Variants in HK1 observed in about 807,000 individuals in gnomAD.
HK1 encodes hexokinase-1.
In HK1, 28 loss-of-function variants were observed where a neutral mutation model predicts 91.6. The ratio of observed to expected loss-of-function variants is 0.31; its 90% CI spans 0.23 to 0.42. The LOEUF is 0.42. Among genes scored for constraint, HK1 ranks in the 10% least tolerant of loss-of-function variants. HK1 has a pLI of 1.00. For missense variants in HK1, 770 were observed against 1,219.8 expected, an observed-to-expected ratio of 0.63 and a Z score of 5.49; for synonymous variants, 430 against 468.1, an observed-to-expected ratio of 0.92 and a Z score of 1.05.
chr10:69,380,112 C>T lies in HK1; in HGVS notation c.1265+17C>T. ...GCACCCACAGTGAGTCTGCCCTTTGCTATCATTGGCACTCTGTACCCATTG... is the reference window on the plus strand; with the variant it reads ...GCACCCACAGTGAGTCTGCCCTTTGTTATCATTGGCACTCTGTACCCATTG... On this transcript the variant is annotated intron_variant, in intron 9 of 17. Coordinates refer to ENST00000359426, the MANE Select transcript of HK1 (RefSeq NM_000188.3). The surrounding 1 kb of genome is among the most constrained non-coding windows in gnomAD (Gnocchi z 4.0). The T allele has an allele frequency of 6.3e-7, 1 of 1,584,502 alleles. No homozygotes were observed. The highest frequency in any genetic ancestry group is 8.7e-7 in the Non-Finnish European group (1 of 1,152,862).
At chr10:69,290,094 C>T (rs904174542) in intron 3 of HK1, among the ~76,000 whole-genome samples, 5 of 152,120 alleles carry the variant, frequency 3.3e-5, no homozygotes, top group Non-Finnish European at 7.3e-5. Context: ...CACCCCGCCC[C>T]CCACCAACAG....
At chr10:69,366,063 T>C (rs1057199726) in intron 4 of HK1, among the ~76,000 whole-genome samples, 5 of 152,100 alleles carry the variant, frequency 3.3e-5, no homozygotes. Context: ...ACTCCTGACC[T>C]TAGGTGATCC....
intron 1 of HK1, among the ~76,000 whole-genome samples, chr10:69,342,585 G>A (rs920330174): frequency 2.0e-5 from 3 of 152,236 alleles, no homozygotes; most frequent in Non-Finnish European, 4.4e-5. Context: ...CAGAGGGTAG[G>A]TGCCTTGGCA....
intron 1 of HK1, chr10:69,338,411 A>G: frequency 6.5e-6 from 8 of 1,230,612 alleles, no homozygotes; most frequent in Non-Finnish European, 8.4e-6. Context: ...AGAGTCCCAC[A>G]TATTCGTCTC....
chr10:69,317,454 C>T, upstream of HK1, among the ~76,000 whole-genome samples: 1 of 152,156 alleles, frequency 6.6e-6, no homozygotes, highest in East Asian at 1.9e-4. Flanking sequence ...GCTGTCAGGC[C>T]CCTGAACCTA....
chr10:69,316,211 G>T (rs564073300), upstream of HK1, among the ~76,000 whole-genome samples: 6 of 152,288 alleles, frequency 3.9e-5, no homozygotes, highest in Non-Finnish European at 7.4e-5. Context: ...AGATAAGTGG[G>T]AAAGAGTGGA....
At chr10:69,318,787 G>C (rs547557166), upstream of HK1, 950 of 1,350,616 alleles carry the variant, frequency 7.0e-4, 8 homozygotes, top group African/African-American at 0.013. Context: ...CGCGGAGACC[G>C]GGAGCGCGCG....
chr10:69,273,179 G>A (rs1316393581), intron 1 of HK1, among the ~76,000 whole-genome samples: 2 of 150,610 alleles, frequency 1.3e-5, no homozygotes, highest in African/African-American at 2.4e-5. Context: ...ACAGGTGCCC[G>A]CCACCATGCC....
intron 13 of HK1, 61 bp from the exon 14 acceptor site, chr10:69,389,136 G>T (rs1839780433): frequency 1.5e-6 from 2 of 1,297,024 alleles, no homozygotes; most frequent in Non-Finnish European, 2.2e-6. Flanking sequence ...GACAGAACCG[G>T]CAGCATTCAA....
intron 2 of HK1, among the ~76,000 whole-genome samples, chr10:69,288,107 T>C (rs1158437545): frequency 6.6e-6 from 1 of 152,194 alleles, no homozygotes; most frequent in Non-Finnish European, 1.5e-5. Flanking sequence ...TGTGCTACGA[T>C]GGCACCACTG....
chr10:69,389,170 T>A, intron 13 of HK1, 27 bp from the exon 14 acceptor site: 1 of 1,580,062 alleles, frequency 6.3e-7, no homozygotes, highest in Non-Finnish European at 8.7e-7. Context: ...ATCCTATTCC[T>A]AAAGCTGTGT....
At chr10:69,308,452 AT>A (rs1564499621) in intron 5 of HK1, among the ~76,000 whole-genome samples, 2 of 152,154 alleles carry the variant, frequency 1.3e-5, no homozygotes, top group Non-Finnish European at 2.9e-5. Flanking sequence ...GGAGAGGGTC[AT>A]GATTGACTGA....
At chr10:69,395,807 C>G (rs927585992) in intron 16 of HK1, among the ~76,000 whole-genome samples, 1 of 152,192 alleles carries the variant, frequency 6.6e-6, no homozygotes, top group Non-Finnish European at 1.5e-5. Flanking sequence ...TGCCCCTCAG[C>G]AAGTTGTTCC....
intron 4 of HK1, among the ~76,000 whole-genome samples, chr10:69,367,062 C>CTA (rs1165844836): frequency 6.6e-6 from 1 of 152,176 alleles, no homozygotes; most frequent in East Asian, 1.9e-4. Context: ...GTGCAGCCTT[C>CTA]TATGGACAGA....
At chr10:69,354,491 T>C (rs1490684645) in intron 2 of HK1, among the ~76,000 whole-genome samples, 1 of 152,100 alleles carries the variant, frequency 6.6e-6, no homozygotes, top group Non-Finnish European at 1.5e-5. Context: ...TAAGGTCTCA[T>C]GAGAACCCAC....
chr10:69,295,784 C>G, intron 4 of HK1: 1 of 790,146 alleles, frequency 1.3e-6, no homozygotes, highest in Non-Finnish European at 2.2e-6. Flanking sequence ...AGCCAAGCAG[C>G]TGTGCAGTGG....
intron 1 of HK1, chr10:69,338,214 G>T (rs1486152581): frequency 7.3e-6 from 8 of 1,101,822 alleles, no homozygotes; most frequent in Non-Finnish European, 9.0e-6. Flanking sequence ...AAGAGCGCCC[G>T]CCCTGTGCAG....
At chr10:69,283,800 A>C (rs1844883491) in intron 2 of HK1, among the ~76,000 whole-genome samples, 1 of 144,034 alleles carries the variant, frequency 6.9e-6, no homozygotes, top group African/African-American at 2.6e-5. Context: ...CTCTGTCTCA[A>C]AAAAAAAAAA....
intron 1 of HK1, among the ~76,000 whole-genome samples, chr10:69,336,900 C>T (rs1469609898): frequency 6.6e-6 from 1 of 152,062 alleles, no homozygotes; most frequent in Non-Finnish European, 1.5e-5. Context: ...CCGCCTCGGC[C>T]TCCCATAGTG....
Sources: allele counts gnomAD v4.1 joint callset (sites outside exome capture counted in the v4.1 genomes callset), GRCh38; gene constraint gnomAD v4.1.1; non-coding constraint Gnocchi (gnomAD v3.1); transcripts MANE v1.5; gene names NCBI Gene and HGNC (gene_info 2026-07-23, HGNC 2026-07-21).